Variants in KIF27 observed in about 807,000 individuals in gnomAD.
KIF27 encodes the protein kinesin family member 27.
Under a neutral mutation model 141.8 loss-of-function variants are expected in KIF27, and 84 were observed. That is an observed-to-expected ratio of 0.59 (90% CI 0.50 to 0.71). The LOEUF is 0.71. Among genes scored for constraint, KIF27 ranks in the 30% least tolerant of loss-of-function variants. The probability of loss-of-function intolerance (pLI) is 0.00; values close to 1 mark genes in which losing one functional copy is unlikely to be tolerated. For missense variants in KIF27, 1,306 were observed against 1,628.4 expected (o/e 0.80, Z 3.41); for synonymous variants, 471 against 569.5 (o/e 0.83, Z 2.46).
intron 4 of KIF27, among the ~76,000 whole-genome samples, chr9:83,901,204 T>C (rs1428674196): frequency 6.6e-6 from 1 of 152,198 alleles, no homozygotes; most frequent in African/African-American, 2.4e-5. Context: ...AAAACAATCC[T>C]CCAGCCTCAG....
At position 83,867,702 on chromosome 9, in the gene KIF27, C is replaced by T. The variant is rs1588087258; in HGVS notation, c.2916G>A (p.Lys972=). 3 of 1,601,898 alleles carry T rather than the reference C, an allele frequency of 1.9e-6. No homozygotes were observed. The East Asian group carries it at 6.7e-5, about 36-fold the overall frequency. Residue 972 remains lysine, a synonymous_variant, in exon 13 of 18, where the codon AAG becomes AAA. Coordinates refer to ENST00000297814, the MANE Select transcript of KIF27 (RefSeq NM_017576.4). ...LLQEKSHLEN[K]KLRSSQALNT... is the part of the protein sequence containing the mutation. ...AGAATACCTGACTAGATCTCAATTT[C>T]TTATTTTCCAGGTGACTCTTCTCCT...
At chr9:83,893,330 C>T (rs1321509854) in intron 5 of KIF27, among the ~76,000 whole-genome samples, 4 of 152,136 alleles carry the variant, frequency 2.6e-5, no homozygotes, top group Non-Finnish European at 5.9e-5. Context: ...ATAGGATTAA[C>T]AGTGCCCAAT....
At chr9:83,894,243 G>A (rs1952953725) in intron 5 of KIF27, among the ~76,000 whole-genome samples, 1 of 152,272 alleles carries the variant, frequency 6.6e-6, no homozygotes, top group East Asian at 1.9e-4. Context: ...TATATTATGA[G>A]GCCAGCATAA....
intron 2 of KIF27, 88 bp from the exon 3 acceptor site, chr9:83,908,740 C>A (rs1954834935): frequency 5.4e-6 from 4 of 742,204 alleles, no homozygotes; most frequent in South Asian, 4.9e-5. Flanking sequence ...TATTTTACTA[C>A]ATTTCTATAT....
intron 13 of KIF27, among the ~76,000 whole-genome samples, chr9:83,864,433 A>C (rs9695726): frequency 0.17 from 25,340 of 152,046 alleles, 2,355 homozygotes; most frequent in African/African-American, 0.23. Context: ...CATTAGGTAC[A>C]CAGTAGTCAT....
chr9:83,878,702 C>T (rs970820044), intron 11 of KIF27, among the ~76,000 whole-genome samples: 1 of 151,878 alleles, frequency 6.6e-6, no homozygotes, highest in African/African-American at 2.4e-5. Context: ...CTAGAATAAG[C>T]AAATTCATAT....
chr9:83,889,478 C>T (rs1314742316), intron 6 of KIF27, among the ~76,000 whole-genome samples: 1 of 152,198 alleles, frequency 6.6e-6, no homozygotes, highest in Non-Finnish European at 1.5e-5. Context: ...TCCTTCTCTT[C>T]TGGACAACTC....
At chr9:83,841,828 G>A (rs184694374) in intron 17 of KIF27, among the ~76,000 whole-genome samples, 3 of 151,916 alleles carry the variant, frequency 2.0e-5, no homozygotes, top group African/African-American at 7.2e-5. Flanking sequence ...AATTTCCAGG[G>A]TTCATGATAT....
chr9:83,893,033 G>A (rs1588203243), intron 5 of KIF27, among the ~76,000 whole-genome samples: 1 of 152,308 alleles, frequency 6.6e-6, no homozygotes, highest in South Asian at 2.1e-4. Context: ...CCAAGAGTTT[G>A]AGAGCAGCCT....
At position 83,834,108 on chromosome 9, in the gene KIF27, T is replaced by G. The variant is rs537226622; in HGVS notation, c.*2893A>C. 6.6e-5 allele frequency among the ~76,000 whole-genome samples: 10 copies of G among 152,124 alleles called. No homozygotes were observed. The highest frequency in any genetic ancestry group is 2.4e-4 in the African/African-American group (10 of 41,498). On this transcript the variant is annotated 3_prime_UTR_variant, in exon 18 of 18. Coordinates refer to ENST00000297814, the MANE Select transcript of KIF27 (RefSeq NM_017576.4). ...TAGTACTTTACAAATATTTTTCCTT[T>G]CAAATGCTTTATTACAGTTAAGAGG...
intron 13 of KIF27, chr9:83,863,595 T>G (rs963855986): frequency 6.6e-6 from 1 of 152,250 alleles, no homozygotes; most frequent in Non-Finnish European, 1.5e-5. Context: ...TTATTGATGA[T>G]TTTTGCATCA....
intron 5 of KIF27, among the ~76,000 whole-genome samples, chr9:83,897,959 C>T (rs2780195): frequency 6.6e-6 from 1 of 152,050 alleles, no homozygotes; most frequent in Non-Finnish European, 1.5e-5. Context: ...TTGAGAAGCA[C>T]ATGGAACAGT....
chr9:83,886,506 A>G (rs1447255812), intron 9 of KIF27, among the ~76,000 whole-genome samples: 1 of 152,110 alleles, frequency 6.6e-6, no homozygotes, highest in Non-Finnish European at 1.5e-5. Flanking sequence ...CCAACTAATA[A>G]TAACAGGACT....
At chr9:83,839,298 A>G (rs999749795) in intron 17 of KIF27, among the ~76,000 whole-genome samples, 2 of 152,242 alleles carry the variant, frequency 1.3e-5, no homozygotes, top group African/African-American at 4.8e-5. Flanking sequence ...TTCACAAGAA[A>G]GTTTCCCTCT....
In KIF27 at chr9:83,903,286, T is replaced by A; in HGVS notation, c.1232A>T (p.Tyr411Phe). Residue 411 changes from tyrosine to phenylalanine, a missense_variant, in exon 4 of 18, where the codon TAC (tyrosine) becomes TTC (phenylalanine). Transcript: ENST00000297814. ...AAAGGCTTCTTCTACACAACACTGG[T>A]AACCCAGACATTCTCCTTGAAGCTG... is the stretch of plus-strand genomic sequence containing the variant. ...VAQLQGECLG[Y>F]QCCVEEAFTF... 1 of 1,614,206 alleles carries A rather than the reference T, an allele frequency of 6.2e-7. No individual in the cohort carries two copies. Among genetic ancestry groups the A allele is most frequent in the Non-Finnish European group, 8.5e-7 (1 of 1,180,032 alleles).
intron 17 of KIF27, 141 bp downstream of exon 17, chr9:83,842,096 C>A (rs534979111): frequency 6.0e-6 from 6 of 1,000,206 alleles, no homozygotes; most frequent in Non-Finnish European, 8.0e-6. Flanking sequence ...CTTTAGACAA[C>A]GATTTTTGTT....
Position 83,891,387 on chromosome 9 carries a change from C to T in KIF27, c.1717G>A (p.Ala573Thr). The T allele has an allele frequency of 6.2e-7, 1 of 1,613,880 alleles. No homozygotes were observed. The highest frequency in any genetic ancestry group is 8.5e-7 in the Non-Finnish European group (1 of 1,179,832). ...AKENCGDGPDARIPERRPYTV... is the reference protein window; with the variant it reads ...AKENCGDGPDTRIPERRPYTV... ...TATGGTCTCCTTTCAGGGATCCTGG[C>T]ATCTGGCCCATCTCCACAATTTTCT... The change falls in exon 6 of 18, where the codon GCC becomes ACC. Residue 573 changes from alanine to threonine, a missense_variant. This residue lies in a region of KIF27 where 596 missense variants were observed against 751.6 expected (regional missense o/e 0.79). Coordinates refer to ENST00000297814, the MANE Select transcript of KIF27 (RefSeq NM_017576.4).
chr9:83,896,149 A>G (rs1439909528), intron 5 of KIF27, among the ~76,000 whole-genome samples: 2 of 151,504 alleles, frequency 1.3e-5, no homozygotes, highest in Non-Finnish European at 2.9e-5. Flanking sequence ...AGACTGAGGC[A>G]GGAGAATCGC....
intron 11 of KIF27, among the ~76,000 whole-genome samples, chr9:83,879,249 A>C (rs1951480676): frequency 1.3e-5 from 2 of 151,558 alleles, no homozygotes; most frequent in African/African-American, 2.4e-5. Context: ...ACAACTTAAA[A>C]ATTAATAATA....
Sources: gnomAD v4.1 joint callset for allele counts (sites outside exome capture counted in the v4.1 genomes callset) on GRCh38, gnomAD v4.1.1 for gene constraint, gnomAD v4.1.1 regional missense constraint, MANE v1.5 for transcripts, NCBI Gene and HGNC (gene_info 2026-07-23, HGNC 2026-07-21) for gene names.